PSMG2: variants seen among roughly 807,000 people sequenced by gnomAD.
PSMG2 encodes the protein CD40 ligand-activated specific transcript 3.
PSMG2 carries 21 observed loss-of-function variants against 31.5 expected under a neutral mutation model. The observed-to-expected ratio is 0.67, with a 90% CI of 0.47 to 0.96. The LOEUF (loss-of-function observed/expected upper bound fraction) is 0.96, where lower values mean the gene tolerates loss of function less well. Among genes scored for constraint, PSMG2 ranks in the 40% least tolerant of loss-of-function variants. The pLI is 0.00. For synonymous variants in PSMG2, 120 were observed against 110.4 expected, an observed-to-expected ratio of 1.09 and a Z score of -0.54; for missense variants, 318 against 321.2, an observed-to-expected ratio of 0.99 and a Z score of 0.08.
intron 4 of PSMG2, among the ~76,000 whole-genome samples, chr18:12,719,964 G>A (rs948932133): frequency 6.6e-6 from 1 of 150,408 alleles, no homozygotes; most frequent in African/African-American, 2.5e-5. Context: ...TGATTTGCCT[G>A]CCTGGGCCTC....
At chr18:12,674,864 C>A in intron 1 of PSMG2, 1 of 568,152 alleles carries the variant, frequency 1.8e-6, no homozygotes, top group Non-Finnish European at 2.9e-6. Flanking sequence ...TTTTTAAAAG[C>A]TATCATAATA....
upstream of PSMG2, chr18:12,698,962 T>G: frequency 8.5e-6 from 13 of 1,529,248 alleles, no homozygotes; most frequent in Non-Finnish European, 1.2e-5. Flanking sequence ...AAATGACAAT[T>G]TATTACTGTT....
At chr18:12,724,389 C>T (rs2040456543) in intron 5 of PSMG2, 110 bp from the exon 6 acceptor site, 2 of 1,154,146 alleles carry the variant, frequency 1.7e-6, no homozygotes, top group Non-Finnish European at 2.3e-6. Context: ...GGTGTGGCGT[C>T]TTTTCCTTTC....
chr18:12,722,665 AAAC>A (rs201046838), intron 5 of PSMG2, among the ~76,000 whole-genome samples: 2,256 of 152,360 alleles, frequency 0.015, 24 homozygotes, highest in South Asian at 0.061. Context: ...TACCCTGAAG[AAAC>A]AATATTTAAA....
chr18:12,722,971 CAG>C (rs141013083), intron 5 of PSMG2, among the ~76,000 whole-genome samples: 1 of 152,328 alleles, frequency 6.6e-6, no homozygotes, highest in East Asian at 1.9e-4. Flanking sequence ...TCTGAGCCAT[CAG>C]AGCTCATAGT....
chr18:12,689,848 G>A (rs1373825374), intron 1 of PSMG2, among the ~76,000 whole-genome samples: 1 of 152,138 alleles, frequency 6.6e-6, no homozygotes, highest in Non-Finnish European at 1.5e-5. Flanking sequence ...GGAGTGCAAT[G>A]GCGTGATCTT....
chr18:12,703,262 G>C, intron 1 of PSMG2, 98 bp downstream of exon 1: 3 of 1,276,180 alleles, frequency 2.4e-6, no homozygotes, highest in Non-Finnish European at 3.2e-6. Context: ...GGAGAAATAG[G>C]GCACTAGTTT....
chr18:12,705,594 T>TGG (rs1231766999), intron 1 of PSMG2, among the ~76,000 whole-genome samples: 1 of 151,816 alleles, frequency 6.6e-6, no homozygotes, highest in Non-Finnish European at 1.5e-5. Flanking sequence ...TGTGTGTGTG[T>TGG]GTGTGTGTGT....
chr18:12,685,549 T>C (rs1179295892), intron 1 of PSMG2: 2 of 152,138 alleles, frequency 1.3e-5, no homozygotes, highest in Non-Finnish European at 2.9e-5. Context: ...GGTTCTGACG[T>C]GGTCAAGCTG....
At chr18:12,709,923 A>G (rs1598681062) in intron 2 of PSMG2, among the ~76,000 whole-genome samples, 1 of 147,352 alleles carries the variant, frequency 6.8e-6, no homozygotes. Flanking sequence ...GGTATGAGCC[A>G]CCACGCCCAG....
intron 3 of PSMG2, among the ~76,000 whole-genome samples, chr18:12,714,650 C>G (rs1848481421): frequency 6.6e-6 from 1 of 151,424 alleles, no homozygotes; most frequent in Non-Finnish European, 1.5e-5. Context: ...TGCACCACCA[C>G]ACCCGGCTAA....
At chr18:12,689,431 G>A (rs892043892) in intron 1 of PSMG2, among the ~76,000 whole-genome samples, 1 of 152,172 alleles carries the variant, frequency 6.6e-6, no homozygotes, top group Non-Finnish European at 1.5e-5. Flanking sequence ...GTTTGGCCTT[G>A]AAAAGACTGT....
intron 3 of PSMG2, among the ~76,000 whole-genome samples, chr18:12,718,033 A>C (rs2186942): frequency 0.98 from 144,029 of 146,352 alleles, 70,912 homozygotes; most frequent in Middle Eastern, 1. Flanking sequence ...TTTTTTGAGA[A>C]AGTTTCACTC....
At chr18:12,691,061 T>C (rs535387691) in intron 1 of PSMG2, among the ~76,000 whole-genome samples, 1 of 152,148 alleles carries the variant, frequency 6.6e-6, no homozygotes, top group Non-Finnish European at 1.5e-5. Context: ...AAATGGATTT[T>C]CATCTACTTT....
upstream of PSMG2, chr18:12,702,435 G>A (rs778216117): frequency 5.6e-6 from 8 of 1,423,274 alleles, no homozygotes; most frequent in Middle Eastern, 2.0e-4. Context: ...GGGCAGGAGG[G>A]AAAGGTTATG....
intron 1 of PSMG2, among the ~76,000 whole-genome samples, chr18:12,705,576 A>AGAGAGAGTGTGT (rs1465866538): frequency 7.7e-6 from 1 of 129,678 alleles, no homozygotes; most frequent in African/African-American, 3.0e-5. Flanking sequence ...AGAGAGAGAG[A>AGAGAGAGTGTGT]GTGTGTGTGT....
At chr18:12,688,349 T>C (rs1474873698) in intron 1 of PSMG2, among the ~76,000 whole-genome samples, 1 of 151,926 alleles carries the variant, frequency 6.6e-6, no homozygotes, top group Non-Finnish European at 1.5e-5. Flanking sequence ...TACTATACTA[T>C]AGCAAAACCA....
chr18:12,718,236 T>G (rs2040396653), intron 3 of PSMG2, among the ~76,000 whole-genome samples: 1 of 152,068 alleles, frequency 6.6e-6, no homozygotes, highest in Admixed American at 6.6e-5. Flanking sequence ...CTTGAACTCT[T>G]GACCTCAGGT....
chr18:12,677,823 G>A (rs1002045102), intron 1 of PSMG2, among the ~76,000 whole-genome samples: 2 of 152,116 alleles, frequency 1.3e-5, no homozygotes, highest in Non-Finnish European at 2.9e-5. Flanking sequence ...AATCCAAATA[G>A]TGGTATTCAG....
Sources: gnomAD v4.1 joint callset for allele counts (sites outside exome capture counted in the v4.1 genomes callset) on GRCh38, gnomAD v4.1.1 for gene constraint, MANE v1.5 for transcripts, NCBI Gene and HGNC (gene_info 2026-07-23, HGNC 2026-07-21) for gene names.